GRK5: variants seen among roughly 807,000 people sequenced by gnomAD.
The protein encoded by GRK5 is g protein-coupled receptor kinase GRK5.
A neutral mutation model predicts 78.4 loss-of-function variants in GRK5; 40 were observed. That is an observed-to-expected ratio of 0.51 (90% confidence interval 0.40 to 0.66). The LOEUF is 0.66. Among genes scored for constraint, GRK5 ranks in the 30% least tolerant of loss-of-function variants. The probability of loss-of-function intolerance (pLI) is 0.00; values close to 1 mark genes in which losing one functional copy is unlikely to be tolerated. For missense variants in GRK5, 598 were observed against 759.9 expected, an observed-to-expected ratio of 0.79 and a Z score of 2.50; for synonymous variants, 289 against 296.8, an observed-to-expected ratio of 0.97 and a Z score of 0.27.
intron 3 of GRK5, among the ~76,000 whole-genome samples, chr10:119,387,355 C>A (rs11813429): frequency 0.047 from 7,227 of 152,224 alleles, 256 homozygotes; most frequent in African/African-American, 0.099. Context: ...AAGGCTGCAG[C>A]TGTTTTTTAA....
intron 1 of GRK5, among the ~76,000 whole-genome samples, chr10:119,317,347 GGTGTGTGTGT>G (rs3064482): frequency 6.1e-4 from 87 of 142,510 alleles, no homozygotes; most frequent in Non-Finnish European, 7.5e-4. Context: ...TCAGTAGATG[GGTGTGTGTGT>G]GTGTGTGTGT....
chr10:119,314,339 G>T (rs1850446951), intron 1 of GRK5, among the ~76,000 whole-genome samples: 1 of 152,214 alleles, frequency 6.6e-6, no homozygotes. Context: ...CCTTTGAATG[G>T]AACCTGGGGC....
chr10:119,394,763 GTATC>G (rs1423928929), intron 3 of GRK5, among the ~76,000 whole-genome samples: 1 of 130,734 alleles, frequency 7.6e-6, no homozygotes, highest in African/African-American at 3.1e-5. Context: ...GTGTGGGTGT[GTATC>G]TGTGTGTGTG....
chr10:119,382,399 C>T (rs1016732123), intron 3 of GRK5, among the ~76,000 whole-genome samples: 2 of 152,150 alleles, frequency 1.3e-5, no homozygotes, highest in African/African-American at 4.8e-5. Flanking sequence ...GGAGGTGGGG[C>T]CTAGTATTTT....
intron 1 of GRK5, among the ~76,000 whole-genome samples, chr10:119,247,312 T>A (rs1247634577): frequency 6.6e-6 from 1 of 152,042 alleles, no homozygotes; most frequent in Non-Finnish European, 1.5e-5. Context: ...TCCAGAAAAA[T>A]ACGATGACCT....
intron 2 of GRK5, among the ~76,000 whole-genome samples, chr10:119,370,358 C>G (rs898649502): frequency 3.9e-5 from 6 of 152,174 alleles, no homozygotes; most frequent in African/African-American, 1.4e-4. Context: ...TAATTTCGAT[C>G]CCACAGAAAC....
chr10:119,452,619 C>A lies in GRK5; in HGVS notation c.1405-52C>A. ...AAAACCCCAAGGCCTGGCTCGGGGC[C>A]ACTGGAGCCGCAGGCGGGACATATG... On this transcript the variant is annotated intron_variant, in intron 13 of 15. Transcript: ENST00000392870. This position sits in a 1 kb window ranked among gnomAD's most constrained non-coding sequence, Gnocchi z 4.4. 6.2e-7 allele frequency: 1 copy of A among 1,609,344 alleles called. No individual in the cohort carries two copies. The highest frequency in any genetic ancestry group is 8.5e-7 in the Non-Finnish European group (1 of 1,177,404).
intron 2 of GRK5, among the ~76,000 whole-genome samples, chr10:119,350,954 A>G (rs2133798051): frequency 6.6e-6 from 1 of 152,286 alleles, no homozygotes; most frequent in South Asian, 2.1e-4. Flanking sequence ...TTAGGCAGAT[A>G]TTCAATGGGC....
At chr10:119,402,711 G>A (rs2133860845) in intron 4 of GRK5, among the ~76,000 whole-genome samples, 1 of 152,204 alleles carries the variant, frequency 6.6e-6, no homozygotes, top group African/African-American at 2.4e-5. Context: ...AAAATCAGCT[G>A]GGCATGGTGG....
At chr10:119,351,490 C>A (rs571954255) in intron 2 of GRK5, among the ~76,000 whole-genome samples, 1 of 152,166 alleles carries the variant, frequency 6.6e-6, no homozygotes, top group Non-Finnish European at 1.5e-5. Context: ...CTCATTCTCT[C>A]TTGCCGGCCG....
chr10:119,378,708 G>T lies in GRK5; in HGVS notation c.149-2107G>T, dbSNP rs1421889338. On this transcript the variant is annotated intron_variant, in intron 2 of 15. Transcript: ENST00000392870. The surrounding 1 kb of genome is among the most constrained non-coding windows in gnomAD (Gnocchi z 4.5). ...GGCTCTCGCTGCGTGGGGGGAAGGC[G>T]GTCTCAGCAGCCCTCGGCTGACCAG... Among the ~76,000 whole-genome samples, 3 of 152,242 alleles carry T rather than the reference G, an allele frequency of 2.0e-5. No individual in the cohort carries two copies. Among genetic ancestry groups the T allele is most frequent in the Non-Finnish European group, 4.4e-5 (3 of 68,052 alleles).
chr10:119,404,559 T>C (rs112149343), intron 4 of GRK5, among the ~76,000 whole-genome samples: 7 of 152,256 alleles, frequency 4.6e-5, no homozygotes, highest in Non-Finnish European at 1.0e-4. Context: ...TTAAATAACT[T>C]GTTTTCATTT....
At chr10:119,390,256 CA>C (rs1426300809) in intron 3 of GRK5, among the ~76,000 whole-genome samples, 1 of 151,118 alleles carries the variant, frequency 6.6e-6, no homozygotes, top group Non-Finnish European at 1.5e-5. Flanking sequence ...GGGCAGTTTA[CA>C]AAAGAAAGAG....
chr10:119,304,527 C>G (rs750802444), intron 1 of GRK5, among the ~76,000 whole-genome samples: 2 of 152,134 alleles, frequency 1.3e-5, no homozygotes, highest in Non-Finnish European at 2.9e-5. Flanking sequence ...TCCTCACAAC[C>G]CTAGGCGGCA....
chr10:119,427,421 A>G (rs1286075190), intron 6 of GRK5, among the ~76,000 whole-genome samples: 1 of 151,230 alleles, frequency 6.6e-6, no homozygotes, highest in African/African-American at 2.4e-5. Context: ...CGTCACCACC[A>G]TCAGCAGCAT....
At chr10:119,337,213 T>C (rs1850904822) in intron 2 of GRK5, among the ~76,000 whole-genome samples, 1 of 152,208 alleles carries the variant, frequency 6.6e-6, no homozygotes, top group Non-Finnish European at 1.5e-5. Context: ...AAACGCACTG[T>C]TCTAGGCCAG....
chr10:119,222,486 G>T (rs1469718919), intron 1 of GRK5, among the ~76,000 whole-genome samples: 1 of 152,014 alleles, frequency 6.6e-6, no homozygotes, highest in Non-Finnish European at 1.5e-5. Context: ...TCTGGTAACT[G>T]CTTTCACTAA....
chr10:119,432,942 G>A (rs1852848355), intron 8 of GRK5, among the ~76,000 whole-genome samples: 1 of 152,100 alleles, frequency 6.6e-6, no homozygotes, highest in Admixed American at 6.5e-5. Context: ...ATGGTGGTGG[G>A]CGCCTGTAAT....
chr10:119,428,001 A>C (rs1852736333), intron 6 of GRK5, among the ~76,000 whole-genome samples: 1 of 152,258 alleles, frequency 6.6e-6, no homozygotes, highest in African/African-American at 2.4e-5. Flanking sequence ...CATCACTGCC[A>C]TTAGTCCCAC....
Sources: gnomAD v4.1 joint callset for allele counts (sites outside exome capture counted in the v4.1 genomes callset) on GRCh38, gnomAD v4.1.1 for gene constraint, Gnocchi (gnomAD v3.1) non-coding constraint, MANE v1.5 for transcripts, NCBI Gene and HGNC (gene_info 2026-07-23, HGNC 2026-07-21) for gene names.